The following NKAIN2 variants were observed in gnomAD, a reference collection of about 807,000 sequenced individuals.
NKAIN2 encodes the protein sodium/potassium-transporting ATPase subunit beta-1-interacting protein 2.
NKAIN2 carries 14 observed loss-of-function variants against 32.6 expected under a neutral mutation model. The observed-to-expected ratio is 0.43, with a 90% CI of 0.28 to 0.67. The LOEUF (loss-of-function observed/expected upper bound fraction) is 0.67. Among genes scored for constraint, NKAIN2 ranks in the 30% least tolerant of loss-of-function variants. The probability of loss-of-function intolerance (pLI) is 0.17; values close to 1 mark genes in which losing one functional copy is unlikely to be tolerated. For missense variants in NKAIN2, 198 were observed against 258.3 expected (o/e 0.77, Z 1.60); for synonymous variants, 80 against 87.2 (o/e 0.92, Z 0.46).
At position 124,609,780 on chromosome 6, in the gene NKAIN2, A is replaced by G. The variant is rs538672974; in HGVS notation, c.274-48406A>G. On this transcript the variant is annotated intron_variant, in intron 3 of 6. Coordinates refer to ENST00000368417, the MANE Select transcript of NKAIN2 (RefSeq NM_001040214.3). The stretch of plus-strand genomic sequence containing the variant: ...CTTTCAAAATTCATCTCCAAAAGGT[A>G]CCGTAAATAGACAGAGTGGGGTAGT... Among the ~76,000 whole-genome samples the G allele has an allele frequency of 5.3e-5, 8 of 152,218 alleles. No homozygotes were observed. In the East Asian group the frequency reaches 1.5e-3, roughly 29 times the overall value.
intron 1 of NKAIN2, among the ~76,000 whole-genome samples, chr6:123,882,260 C>A (rs180784325): frequency 6.6e-6 from 1 of 151,978 alleles, no homozygotes; most frequent in Admixed American, 6.5e-5. Context: ...CATTCAGGGA[C>A]TTTGGCCATT....
chr6:124,430,849 C>G (rs986500489), intron 3 of NKAIN2, among the ~76,000 whole-genome samples: 3 of 152,114 alleles, frequency 2.0e-5, no homozygotes, highest in African/African-American at 7.2e-5. Context: ...TTTTCTAACA[C>G]AGAGCAACAC....
chr6:124,313,936 C>T (rs1311384958), intron 2 of NKAIN2, among the ~76,000 whole-genome samples: 1 of 152,090 alleles, frequency 6.6e-6, no homozygotes, highest in East Asian at 1.9e-4. Flanking sequence ...AGTTGCCGGG[C>T]TCTCTTTGTG....
chr6:124,685,777 C>T (rs1773843255), intron 4 of NKAIN2, among the ~76,000 whole-genome samples: 1 of 152,288 alleles, frequency 6.6e-6, no homozygotes, highest in South Asian at 2.1e-4. Flanking sequence ...GTTCTGCTTT[C>T]ACTAGGCTAG....
intron 3 of NKAIN2, among the ~76,000 whole-genome samples, chr6:124,408,351 T>C (rs1773970628): frequency 1.3e-5 from 2 of 152,212 alleles, no homozygotes; most frequent in African/African-American, 2.4e-5. Flanking sequence ...AAGTCTTTAA[T>C]CCATCTTGAA....
intron 4 of NKAIN2, among the ~76,000 whole-genome samples, chr6:124,752,421 C>T (rs1006116530): frequency 6.6e-6 from 1 of 151,950 alleles, no homozygotes; most frequent in East Asian, 1.9e-4. Context: ...TTCTCTTCTT[C>T]CTAGGGTATC....
chr6:124,614,689 A>ACC (rs549664321), intron 3 of NKAIN2, among the ~76,000 whole-genome samples: 29,020 of 150,652 alleles, frequency 0.19, 2,953 homozygotes, highest in African/African-American at 0.25. Context: ...GGTCCCAAAG[A>ACC]CCCCCCCAAT....
intron 3 of NKAIN2, among the ~76,000 whole-genome samples, chr6:124,406,018 G>GTGTGTGTGTGTGTGTGTGTGTGTA (rs1414236610): frequency 6.6e-6 from 1 of 151,802 alleles, no homozygotes; most frequent in Non-Finnish European, 1.5e-5. Flanking sequence ...ACCACGGTGT[G>GTGTGTGTGTGTGTGTGTGTGTGTA]TGTGTGTGTG....
chr6:124,726,989 A>G (rs1261171017), intron 4 of NKAIN2, among the ~76,000 whole-genome samples: 1 of 149,880 alleles, frequency 6.7e-6, no homozygotes, highest in Non-Finnish European at 1.5e-5. Context: ...AAATGAAGCA[A>G]GAAGGGAAGT....
chr6:123,955,535 C>T (rs918887906), intron 1 of NKAIN2, among the ~76,000 whole-genome samples: 1 of 151,514 alleles, frequency 6.6e-6, no homozygotes, highest in Non-Finnish European at 1.5e-5. Flanking sequence ...TGCAAAAAAT[C>T]AAATGTGCAG....
intron 2 of NKAIN2, among the ~76,000 whole-genome samples, chr6:124,307,010 A>C (rs1796530982): frequency 6.6e-6 from 1 of 152,172 alleles, no homozygotes; most frequent in Admixed American, 6.6e-5. Context: ...CAAGAGTTTT[A>C]CCTAAATCAT....
chr6:124,136,342 G>C (rs1393551441), intron 1 of NKAIN2, among the ~76,000 whole-genome samples: 1 of 151,970 alleles, frequency 6.6e-6, no homozygotes, highest in African/African-American at 2.4e-5. Flanking sequence ...AACAGACCGA[G>C]AACAAGTAGT....
chr6:124,723,754 T>G (rs945637901), intron 4 of NKAIN2, among the ~76,000 whole-genome samples: 2 of 152,248 alleles, frequency 1.3e-5, no homozygotes, highest in African/African-American at 4.8e-5. Context: ...CTTTAGCTTA[T>G]GCCAAAGAAT....
At chr6:124,573,285 G>A (rs543857334) in intron 3 of NKAIN2, among the ~76,000 whole-genome samples, 10 of 152,226 alleles carry the variant, frequency 6.6e-5, no homozygotes, top group East Asian at 1.9e-4. Flanking sequence ...AGCAGCATAC[G>A]CCTTTCCTTC....
intron 1 of NKAIN2, among the ~76,000 whole-genome samples, chr6:124,131,748 G>A (rs989052466): frequency 6.6e-6 from 1 of 152,136 alleles, no homozygotes; most frequent in African/African-American, 2.4e-5. Flanking sequence ...TGAGCCCAGG[G>A]AAGGCATCCC....
At chr6:124,385,088 C>A (rs1055058148) in intron 3 of NKAIN2, among the ~76,000 whole-genome samples, 1 of 152,108 alleles carries the variant, frequency 6.6e-6, no homozygotes, top group Non-Finnish European at 1.5e-5. Flanking sequence ...GAGAAAATAG[C>A]TGCAGAAAAA....
chr6:124,052,924 A>T (rs1182386592), intron 1 of NKAIN2, among the ~76,000 whole-genome samples: 2 of 152,034 alleles, frequency 1.3e-5, no homozygotes, highest in Non-Finnish European at 2.9e-5. Flanking sequence ...GAAGACTCAG[A>T]AATTCCAATG....
chr6:124,217,590 A>T (rs1035125950), intron 1 of NKAIN2, among the ~76,000 whole-genome samples: 2 of 152,100 alleles, frequency 1.3e-5, no homozygotes, highest in African/African-American at 4.8e-5. Context: ...TGTTTACCTA[A>T]AGGTATTTTA....
intron 1 of NKAIN2, among the ~76,000 whole-genome samples, chr6:124,196,577 T>C (rs2114609196): frequency 6.6e-6 from 1 of 152,168 alleles, no homozygotes; most frequent in Non-Finnish European, 1.5e-5. Flanking sequence ...ATACCCAACC[T>C]TTGCATCTTG....
Sources: gnomAD v4.1 joint callset for allele counts (sites outside exome capture counted in the v4.1 genomes callset) on GRCh38, gnomAD v4.1.1 for gene constraint, MANE v1.5 for transcripts, NCBI Gene and HGNC (gene_info 2026-07-23, HGNC 2026-07-21) for gene names.